Variants in SCHIP1 observed in about 807,000 individuals in gnomAD.
SCHIP1 encodes the protein schwannomin interacting protein 1, also known as schwannomin-interacting protein 1.
In SCHIP1, 8 loss-of-function variants were observed where a neutral mutation model predicts 29.7. That is an observed-to-expected ratio of 0.27 (90% CI 0.16 to 0.49). SCHIP1 has a LOEUF of 0.49. SCHIP1 is among the 20% of genes least tolerant of loss of function. SCHIP1 has a pLI of 0.99. For synonymous variants in SCHIP1, 76 were observed against 94.9 expected (o/e 0.80, Z 1.16); for missense variants, 193 against 294.6 (o/e 0.66, Z 2.52).
chr3:159,569,326 C>A, the SCHIP1 span, among the ~76,000 whole-genome samples: 1 of 152,180 alleles, frequency 6.6e-6, no homozygotes. Context: ...TAGCCCCCCA[C>A]ACACCAACAG....
At chr3:159,331,475 G>C in the SCHIP1 span, among the ~76,000 whole-genome samples, 1 of 152,164 alleles carries the variant, frequency 6.6e-6, no homozygotes, top group Non-Finnish European at 1.5e-5. Context: ...CAGTGTCTGA[G>C]AGTGACACTT....
the SCHIP1 span, among the ~76,000 whole-genome samples, chr3:159,302,142 C>T: frequency 6.6e-6 from 1 of 152,170 alleles, no homozygotes; most frequent in African/African-American, 2.4e-5. Flanking sequence ...GCACCAGCTG[C>T]TGTTGCTATG....
chr3:159,466,525 T>C, the SCHIP1 span, among the ~76,000 whole-genome samples: 1 of 152,152 alleles, frequency 6.6e-6, no homozygotes, highest in Admixed American at 6.6e-5. Context: ...GAACACTCCA[T>C]AAGTGGTAGC....
the SCHIP1 span, among the ~76,000 whole-genome samples, chr3:159,665,350 A>T: frequency 6.6e-6 from 1 of 152,062 alleles, no homozygotes; most frequent in Non-Finnish European, 1.5e-5. Flanking sequence ...TTTTCTCAGC[A>T]ATTATGAACC....
At chr3:159,296,498 G>T in the SCHIP1 span, among the ~76,000 whole-genome samples, 1 of 152,170 alleles carries the variant, frequency 6.6e-6, no homozygotes, top group Non-Finnish European at 1.5e-5. Context: ...CTCAGGCTGG[G>T]TGTGGTGGCT....
At chr3:159,476,215 G>A in the SCHIP1 span, among the ~76,000 whole-genome samples, 1 of 152,066 alleles carries the variant, frequency 6.6e-6, no homozygotes, top group Non-Finnish European at 1.5e-5. Flanking sequence ...AATACAAAAT[G>A]TTTAACGTCA....
chr3:159,694,540 GAAAGAAAGAAAGAAAGAAA>G, the SCHIP1 span, among the ~76,000 whole-genome samples: 28 of 4,846 alleles, frequency 5.8e-3, no homozygotes, highest in African/African-American at 0.013. Context: ...GAAAAGACAA[GAAAGAAAGAAAGAAAGAAA>G]GAAAGAAAGA....
the SCHIP1 span, among the ~76,000 whole-genome samples, chr3:159,348,376 CAG>C: frequency 6.6e-6 from 1 of 152,080 alleles, no homozygotes; most frequent in Admixed American, 6.6e-5. Flanking sequence ...TTACCAAACG[CAG>C]TTTTACTTCT....
At chr3:159,588,137 C>T in the SCHIP1 span, among the ~76,000 whole-genome samples, 3 of 152,114 alleles carry the variant, frequency 2.0e-5, no homozygotes, top group African/African-American at 7.2e-5. Context: ...CCTGTTGTTT[C>T]CTTACTTTTT....
the SCHIP1 span, among the ~76,000 whole-genome samples, chr3:159,575,456 G>A: frequency 6.6e-6 from 1 of 151,510 alleles, no homozygotes; most frequent in Non-Finnish European, 1.5e-5. Context: ...CTTTTTTTGA[G>A]ATGGGGTCTC....
chr3:159,886,434 A>G (rs1288185278), intron 3 of SCHIP1, 110 bp downstream of exon 4: 9 of 1,012,726 alleles, frequency 8.9e-6, no homozygotes, highest in Non-Finnish European at 1.3e-5. Context: ...ATTAAAGAAG[A>G]AAAGTTTCTT....
chr3:159,365,026 C>A, the SCHIP1 span, among the ~76,000 whole-genome samples: 2 of 152,202 alleles, frequency 1.3e-5, no homozygotes, highest in Non-Finnish European at 2.9e-5. Flanking sequence ...CCTCCACACA[C>A]TAGCTCTTAA....
At chr3:159,519,902 C>T in the SCHIP1 span, among the ~76,000 whole-genome samples, 1 of 150,832 alleles carries the variant, frequency 6.6e-6, no homozygotes, top group Non-Finnish European at 1.5e-5. Context: ...TATGCATGTA[C>T]GTGGAACTGA....
chr3:159,893,074 T>C (rs1413867213), intron 6 of SCHIP1: 1 of 152,168 alleles, frequency 6.6e-6, no homozygotes, highest in Non-Finnish European at 1.5e-5. Context: ...CGAAAACATA[T>C]GTAGTGATAA....
chr3:159,489,716 CAG>C, the SCHIP1 span, among the ~76,000 whole-genome samples: 1 of 151,938 alleles, frequency 6.6e-6, no homozygotes, highest in African/African-American at 2.4e-5. Flanking sequence ...AACAACAAGA[CAG>C]ACATATATTT....
At chr3:159,360,814 C>G in the SCHIP1 span, among the ~76,000 whole-genome samples, 1 of 152,006 alleles carries the variant, frequency 6.6e-6, no homozygotes, top group African/African-American at 2.4e-5. Flanking sequence ...CCTTTACTGA[C>G]CATTTGTTTT....
the SCHIP1 span, among the ~76,000 whole-genome samples, chr3:159,550,932 A>G: frequency 6.6e-6 from 1 of 152,214 alleles, no homozygotes; most frequent in Non-Finnish European, 1.5e-5. Flanking sequence ...TTGTGAGTTA[A>G]CTTTATATTA....
At chr3:159,828,385 A>ATATGTATATATGTATATATATATG in the SCHIP1 span, among the ~76,000 whole-genome samples, 2 of 71,658 alleles carry the variant, frequency 2.8e-5, no homozygotes, top group African/African-American at 9.1e-5. Context: ...ACATATATAT[A>ATATGTATATATGTATATATATATG]TACATATATA....
At chr3:159,507,979 C>A in the SCHIP1 span, among the ~76,000 whole-genome samples, 2 of 152,174 alleles carry the variant, frequency 1.3e-5, no homozygotes, top group East Asian at 1.9e-4. Flanking sequence ...ATGCTGGCCT[C>A]ATAAAATGAG....
Sources: gnomAD v4.1 joint callset for allele counts (sites outside exome capture counted in the v4.1 genomes callset) on GRCh38, gnomAD v4.1.1 for gene constraint, MANE v1.5 for transcripts, NCBI Gene and HGNC (gene_info 2026-07-23, HGNC 2026-07-21) for gene names.